LRRN4: variants seen among roughly 807,000 people sequenced by gnomAD.
The protein encoded by LRRN4 is leucine-rich repeat neuronal protein 4.
In LRRN4, 26 loss-of-function variants were observed where a neutral mutation model predicts 22.3. That is an observed-to-expected ratio of 1.16 (90% CI 0.85 to 1.62). The LOEUF is 1.62. LRRN4 is among the 40% of genes most tolerant of loss of function. The pLI, the probability that LRRN4 is intolerant of heterozygous loss-of-function variation, is 0.00. For synonymous variants in LRRN4, 496 were observed against 486.2 expected (o/e 1.02, Z -0.26); for missense variants, 1,070 against 1,008.5 (o/e 1.06, Z -0.83).
At chr20:6,046,480 G>C (rs1384423922) in intron 3 of LRRN4, among the ~76,000 whole-genome samples, 1 of 148,560 alleles carries the variant, frequency 6.7e-6, no homozygotes, top group Non-Finnish European at 1.5e-5. Context: ...GTCTCACAGA[G>C]TGTTTGGCCT....
chr20:6,041,725 G>GGT lies in LRRN4; in HGVS notation c.1518_1519dup (p.Pro507HisfsTer83), dbSNP rs769899722. 3 of 1,613,674 alleles carry GGT rather than the reference G, an allele frequency of 1.9e-6. No individual in the cohort carries two copies. Among genetic ancestry groups the GGT allele is most frequent in the Non-Finnish European group, 2.5e-6 (3 of 1,179,730 alleles). On this transcript the variant is annotated frameshift_variant, in exon 5 of 5. Transcript: ENST00000378858. LOFTEE classifies it low-confidence loss of function (END_TRUNC). The surrounding 1 kb of genome is among the most constrained non-coding windows in gnomAD (Gnocchi z 9.4). ...GGAAAGACTCGGGTTGGGGGCTTGGGGTGTGGCGTGTGTCCTCTGGCCGGG... is the reference window on the plus strand; with the variant it reads ...GGAAAGACTCGGGTTGGGGGCTTGGGGTGTGTGGCGTGTGTCCTCTGGCCGGG...
intron 1 of LRRN4, among the ~76,000 whole-genome samples, 167 bp downstream of exon 1, chr20:6,053,663 G>C (rs967647536): frequency 2.0e-5 from 3 of 152,206 alleles, no homozygotes; most frequent in Non-Finnish European, 4.4e-5. Flanking sequence ...CATCACTGCA[G>C]ATGTGTATTC....
At position 6,052,697 on chromosome 20, in the gene LRRN4, G is replaced by C. The variant is rs918514945; in HGVS notation, c.103C>G (p.Pro35Ala). ...VPLFRVTQQGPWGSSGSNATD... is the reference protein window; with the variant it reads ...VPLFRVTQQGAWGSSGSNATD... ...GCGTTGCTGCCACTGCTCCCCCAGGGGCCCTGCTGAGTGACCCGGAAGAGC... is the reference window on the plus strand; with the variant it reads ...GCGTTGCTGCCACTGCTCCCCCAGGCGCCCTGCTGAGTGACCCGGAAGAGC... The change falls in exon 2 of 5, where the codon CCC becomes GCC. Residue 35 changes from proline (P) to alanine (A), a missense_variant. Physicochemically the swap from Pro to Ala is conservative, Grantham distance 27 (BLOSUM62 -1). Coordinates refer to ENST00000378858, the MANE Select transcript of LRRN4 (RefSeq NM_152611.5). The C allele has an allele frequency of 2.5e-6, 4 of 1,572,016 alleles. No homozygotes were observed. The Admixed American group carries it at 5.4e-5, about 21-fold the overall frequency.
intron 1 of LRRN4, among the ~76,000 whole-genome samples, chr20:6,053,553 A>G (rs75340367): frequency 0.012 from 1,890 of 152,230 alleles, 39 homozygotes; most frequent in African/African-American, 0.041. Context: ...GTCAGCTAGG[A>G]GATCAAGCAG....
intron 3 of LRRN4, among the ~76,000 whole-genome samples, chr20:6,049,550 G>T (rs1981195658): frequency 6.6e-6 from 1 of 151,866 alleles, no homozygotes; most frequent in South Asian, 2.1e-4. Flanking sequence ...GCCCAGGCTG[G>T]AGTACAATGG....
At position 6,049,526 on chromosome 20, in the gene LRRN4, G is replaced by T. The variant is rs576348322; in HGVS notation, c.860+1253C>A. ...TGTTTTGTTTTGATTTTGAGACAGAGTTTCATTCTTGTTGCCCAGGCTGGA... is the reference window on the plus strand; with the variant it reads ...TGTTTTGTTTTGATTTTGAGACAGATTTTCATTCTTGTTGCCCAGGCTGGA... On this transcript the variant is annotated intron_variant, in intron 3 of 4. Transcript: ENST00000378858. Among the ~76,000 whole-genome samples, 10 of 152,022 alleles carry T rather than the reference G, an allele frequency of 6.6e-5. No individual in the cohort carries two copies. The South Asian group carries it at 1.9e-3, about 28-fold the overall frequency.
chr20:6,052,126 G>A lies in LRRN4; in HGVS notation c.655+19C>T. ...CTCTGCGCTCAGGCCGGCTGAAAAC[G>A]CGGGGCGCCCGGACTCACCCCGTTC... is the stretch of plus-strand genomic sequence containing the variant. On this transcript the variant is annotated intron_variant, in intron 2 of 4. Coordinates refer to ENST00000378858, the MANE Select transcript of LRRN4 (RefSeq NM_152611.5). 5.1e-6 allele frequency: 8 copies of A among 1,575,932 alleles called. No homozygotes were observed. The highest frequency in any genetic ancestry group is 1.2e-5 in the South Asian group (1 of 86,048).
chr20:6,043,866 C>T (rs1353892147), intron 4 of LRRN4, among the ~76,000 whole-genome samples: 2 of 152,072 alleles, frequency 1.3e-5, no homozygotes, highest in South Asian at 2.1e-4. Flanking sequence ...TATGATTGTA[C>T]CACTGCACTC....
At chr20:6,053,263 C>A (rs1981309155) in intron 1 of LRRN4, among the ~76,000 whole-genome samples, 1 of 152,130 alleles carries the variant, frequency 6.6e-6, no homozygotes, top group South Asian at 2.1e-4. Flanking sequence ...AAGATTTTGT[C>A]CGTTCAGCAA....
At chr20:6,047,397 C>T (rs576697162) in intron 3 of LRRN4, among the ~76,000 whole-genome samples, 1 of 151,000 alleles carries the variant, frequency 6.6e-6, no homozygotes, top group East Asian at 1.9e-4. Context: ...GATTTTGTCA[C>T]TTAAGGTGTT....
chr20:6,040,561 T>C lies in LRRN4; in HGVS notation c.*461A>G, dbSNP rs1249199511. Reference sequence around the variant, plus strand: ...GAACTGGAAATCCACTGGAATTGATTTCTTGAATAACAGAGCTCGTTGTGT... The same window carrying C: ...GAACTGGAAATCCACTGGAATTGATCTCTTGAATAACAGAGCTCGTTGTGT... On this transcript the variant is annotated 3_prime_UTR_variant, in exon 5 of 5. Coordinates refer to ENST00000378858, the MANE Select transcript of LRRN4 (RefSeq NM_152611.5). 2.6e-5 allele frequency among the ~76,000 whole-genome samples: 4 copies of C among 152,214 alleles called. No homozygotes were observed. Among genetic ancestry groups the C allele is most frequent in the Non-Finnish European group, 5.9e-5 (4 of 68,034 alleles).
rs757812622 is a variant in LRRN4, at chr20:6,040,994, G to A, written c.*28C>T. 2 of 1,612,516 alleles carry A rather than the reference G, an allele frequency of 1.2e-6. No homozygotes were observed. Among genetic ancestry groups the A allele is most frequent in the Non-Finnish European group, 1.7e-6 (2 of 1,179,342 alleles). ...TCCTTTTTGCGCTCAGATCCAGTTC[G>A]ATGAGACGCGTTATCCCAGAAGCTG... On this transcript the variant is annotated 3_prime_UTR_variant, in exon 5 of 5. Transcript: ENST00000378858.
chr20:6,047,569 G>A (rs897977088), intron 3 of LRRN4, among the ~76,000 whole-genome samples: 1 of 151,358 alleles, frequency 6.6e-6, no homozygotes, highest in Non-Finnish European at 1.5e-5. Context: ...GGCAGATCAC[G>A]AGGTTAGGAG....
At chr20:6,043,582 A>G (rs1390117525) in intron 4 of LRRN4, among the ~76,000 whole-genome samples, 2 of 151,958 alleles carry the variant, frequency 1.3e-5, no homozygotes, top group Admixed American at 6.6e-5. Context: ...ACTGAGCCCC[A>G]CCTCACAGCT....
At position 6,052,383 on chromosome 20, in the gene LRRN4, C is replaced by A. The variant is rs774800892; in HGVS notation, c.417G>T (p.Pro139=). The A allele has an allele frequency of 2.6e-6, 4 of 1,524,508 alleles. No individual in the cohort carries two copies. The highest frequency in any genetic ancestry group is 1.2e-5 in the South Asian group (1 of 82,528). 94.4% of individuals were successfully genotyped at this position (1,524,508 alleles called of 1,614,324 possible). A position where few individuals can be genotyped will look rare whatever the true frequency, so the allele number is the denominator to read the frequency against. ...LSYNQLAALP[P]CTGPALSSLR... Reference sequence around the variant, plus strand: ...GGCTGCTCAGCGCGGGCCCGGTGCACGGCGGCAGAGCGGCCAGCTGGTTGT... The same window carrying A: ...GGCTGCTCAGCGCGGGCCCGGTGCAAGGCGGCAGAGCGGCCAGCTGGTTGT... The change falls in exon 2 of 5, where the codon CCG becomes CCT. Residue 139 remains proline (P), a synonymous_variant. Coordinates refer to ENST00000378858, the MANE Select transcript of LRRN4 (RefSeq NM_152611.5).
Position 6,047,427 on chromosome 20 carries a change from C to CACAT in LRRN4, c.861-2748_861-2747insATGT, listed in dbSNP as rs1370104750. Among the ~76,000 whole-genome samples the CACAT allele has an allele frequency of 4.9e-4, 21 of 43,164 alleles. No individual in the cohort carries two copies. In the East Asian group the frequency reaches 7.3e-3, roughly 15 times the overall value. The allele number at this position is 43,164 out of a possible 152,430, so 28.3% of individuals were successfully genotyped here. Reference sequence around the variant, plus strand: ...GGTGTTAAAGAAGCAGACACACATACACACACACACACACACACACACACA... The same window carrying CACAT: ...GGTGTTAAAGAAGCAGACACACATACACATACACACACACACACACACACACACA... On this transcript the variant is annotated intron_variant, in intron 3 of 4. Coordinates refer to ENST00000378858, the MANE Select transcript of LRRN4 (RefSeq NM_152611.5).
chr20:6,044,006 G>A (rs73603072), intron 4 of LRRN4, among the ~76,000 whole-genome samples: 2,046 of 152,256 alleles, frequency 0.013, 44 homozygotes, highest in African/African-American at 0.047. Context: ...AAAGTGCTCA[G>A]GACTGGGGGT....
intron 3 of LRRN4, among the ~76,000 whole-genome samples, 161 bp downstream of exon 3, chr20:6,050,618 A>C: frequency 6.6e-6 from 1 of 152,242 alleles, no homozygotes. Flanking sequence ...TCTGGGACCT[A>C]CCCAAGATAT....
intron 3 of LRRN4, among the ~76,000 whole-genome samples, chr20:6,049,317 T>C (rs1366719996): frequency 6.6e-6 from 1 of 152,196 alleles, no homozygotes; most frequent in East Asian, 1.9e-4. Context: ...GATCATGATG[T>C]GTTATGATAA....
Sources: gnomAD v4.1 joint callset for allele counts (sites outside exome capture counted in the v4.1 genomes callset) on GRCh38, gnomAD v4.1.1 for gene constraint, Gnocchi (gnomAD v3.1) non-coding constraint, MANE v1.5 for transcripts, NCBI Gene and HGNC (gene_info 2026-07-23, HGNC 2026-07-21) for gene names.